Variants in CNTN5 observed in about 807,000 individuals in gnomAD.
The protein encoded by CNTN5 is contactin 5, also known as contactin-5.
CNTN5 carries 77 observed loss-of-function variants against 129.1 expected under a neutral mutation model. The observed-to-expected ratio is 0.60, with a 90% CI of 0.50 to 0.72. The LOEUF is 0.72. CNTN5 is among the 30% of genes least tolerant of loss of function. The pLI, the probability that CNTN5 is intolerant of heterozygous loss-of-function variation, is 0.00. For synonymous variants in CNTN5, 509 were observed against 465.6 expected, an observed-to-expected ratio of 1.09 and a Z score of -1.20; for missense variants, 1,478 against 1,328.8, an observed-to-expected ratio of 1.11 and a Z score of -1.75.
chr11:100,236,395 C>T (rs1221092103), intron 16 of CNTN5, among the ~76,000 whole-genome samples: 1 of 152,126 alleles, frequency 6.6e-6, no homozygotes, highest in Non-Finnish European at 1.5e-5. Flanking sequence ...AAGTTTCCCG[C>T]CTGACTGCTT....
At chr11:100,128,078 T>C (rs1226791735) in intron 13 of CNTN5, among the ~76,000 whole-genome samples, 1 of 152,126 alleles carries the variant, frequency 6.6e-6, no homozygotes, top group Non-Finnish European at 1.5e-5. Flanking sequence ...ATGCACCAAT[T>C]ATTCAAAATT....
intron 6 of CNTN5, among the ~76,000 whole-genome samples, chr11:99,876,045 T>C (rs1948624338): frequency 6.6e-6 from 1 of 152,108 alleles, no homozygotes; most frequent in Admixed American, 6.6e-5. Flanking sequence ...ATGAGTGAAA[T>C]ACTACATATC....
chr11:99,894,149 A>G (rs536900385), intron 6 of CNTN5, among the ~76,000 whole-genome samples: 4 of 152,294 alleles, frequency 2.6e-5, no homozygotes, highest in Non-Finnish European at 5.9e-5. Context: ...AGTAGGTGGT[A>G]TATAGGTTTT....
intron 1 of CNTN5, among the ~76,000 whole-genome samples, chr11:99,314,945 G>A (rs1212113108): frequency 5.4e-5 from 8 of 147,658 alleles, no homozygotes; most frequent in African/African-American, 9.9e-5. Context: ...TTATTCAGTA[G>A]CTCTGTGGGT....
At chr11:100,196,337 A>C (rs200978770) in intron 15 of CNTN5, among the ~76,000 whole-genome samples, 1 of 135,126 alleles carries the variant, frequency 7.4e-6, no homozygotes, top group Non-Finnish European at 1.7e-5. Flanking sequence ...ATTTTGTATT[A>C]TTTTGTAGAT....
At chr11:99,587,150 A>T (rs1949819619) in intron 3 of CNTN5, among the ~76,000 whole-genome samples, 1 of 152,204 alleles carries the variant, frequency 6.6e-6, no homozygotes, top group African/African-American at 2.4e-5. Flanking sequence ...CAACTCAGAA[A>T]TGAAGAGGTT....
intron 3 of CNTN5, among the ~76,000 whole-genome samples, chr11:99,581,921 T>C (rs1426982408): frequency 1.3e-5 from 2 of 152,152 alleles, no homozygotes; most frequent in Non-Finnish European, 2.9e-5. Context: ...TTCCTAGCCT[T>C]GATGGTCTTT....
chr11:99,208,437 G>T (rs923445762), intron 1 of CNTN5, among the ~76,000 whole-genome samples: 4 of 151,986 alleles, frequency 2.6e-5, no homozygotes, highest in Non-Finnish European at 5.9e-5. Flanking sequence ...ATACCCTAAG[G>T]ATATGTCCTT....
intron 1 of CNTN5, among the ~76,000 whole-genome samples, chr11:99,226,328 A>G (rs1860684416): frequency 6.6e-6 from 1 of 152,182 alleles, no homozygotes; most frequent in African/African-American, 2.4e-5. Flanking sequence ...TGGACTATAG[A>G]TGTGGCACCA....
At position 99,678,724 on chromosome 11, in the gene CNTN5, C is replaced by A. The variant is rs535292299; in HGVS notation, c.55+122455C>A. Among the ~76,000 whole-genome samples the A allele has an allele frequency of 2.0e-5, 3 of 151,924 alleles. No individual in the cohort carries two copies. In the South Asian group the frequency reaches 6.2e-4, roughly 32 times the overall value. The stretch of plus-strand genomic sequence containing the variant: ...AAAGTTATCTGTAAAAGGATAAAGT[C>A]CTTTTAGAAAGAGGTAAATTAATGC... On this transcript the variant is annotated intron_variant, in intron 3 of 24. Transcript: ENST00000524871.
intron 16 of CNTN5, among the ~76,000 whole-genome samples, chr11:100,235,535 G>A (rs775981156): frequency 6.6e-6 from 1 of 152,042 alleles, no homozygotes; most frequent in Non-Finnish European, 1.5e-5. Context: ...GTAGAGCAGG[G>A]CCAAAGCAGC....
At chr11:99,871,323 T>C (rs1948498227) in intron 6 of CNTN5, among the ~76,000 whole-genome samples, 1 of 152,076 alleles carries the variant, frequency 6.6e-6, no homozygotes, top group African/African-American at 2.4e-5. Context: ...CAATGAAGAT[T>C]GATTAAAATA....
intron 3 of CNTN5, among the ~76,000 whole-genome samples, chr11:99,699,773 T>C (rs541509279): frequency 6.1e-4 from 92 of 151,564 alleles, no homozygotes; most frequent in African/African-American, 2.2e-3. Context: ...AAAGAGCTCA[T>C]TATTGTCTTC....
intron 2 of CNTN5, among the ~76,000 whole-genome samples, chr11:99,493,092 G>A (rs1020531307): frequency 2.0e-5 from 3 of 152,124 alleles, no homozygotes; most frequent in African/African-American, 7.2e-5. Flanking sequence ...CAAATGCCCA[G>A]GCACCATATT....
intron 18 of CNTN5, among the ~76,000 whole-genome samples, chr11:100,293,588 C>A (rs1353963014): frequency 1.3e-5 from 2 of 151,548 alleles, no homozygotes; most frequent in African/African-American, 4.8e-5. Context: ...ATTCCGGGTA[C>A]TGTGATGAAT....
Position 100,207,269 on chromosome 11 carries a change from T to C in CNTN5, c.1884+13606T>C, listed in dbSNP as rs544044903. ...ATGTCATTAGCAGAAAAGCTTGTTC[T>C]TACAATTAATGTTTAATTGAATTCA... On this transcript the variant is annotated intron_variant, in intron 15 of 24. Transcript: ENST00000524871. Among the ~76,000 whole-genome samples, 11 of 152,284 alleles carry C rather than the reference T, an allele frequency of 7.2e-5. No homozygotes were observed. The South Asian group carries it at 2.3e-3, about 32-fold the overall frequency.
At chr11:100,143,807 G>T (rs1363022) in intron 13 of CNTN5, among the ~76,000 whole-genome samples, 101,478 of 151,976 alleles carry the variant, frequency 0.67, 35,353 homozygotes, top group African/African-American at 0.87. Flanking sequence ...AGGGACCTGA[G>T]GTAGCCAGAG....
intron 3 of CNTN5, among the ~76,000 whole-genome samples, chr11:99,616,513 T>C (rs1271638620): frequency 6.6e-6 from 1 of 152,178 alleles, no homozygotes; most frequent in Non-Finnish European, 1.5e-5. Flanking sequence ...ATTACCCATA[T>C]CCTCGACCAG....
chr11:99,060,146 G>A (rs752133970), intron 1 of CNTN5, among the ~76,000 whole-genome samples: 2 of 152,040 alleles, frequency 1.3e-5, no homozygotes, highest in Non-Finnish European at 2.9e-5. Context: ...ACCAGTAAAT[G>A]TGGGTATGTA....
Sources: gnomAD v4.1 joint callset for allele counts (sites outside exome capture counted in the v4.1 genomes callset) on GRCh38, gnomAD v4.1.1 for gene constraint, MANE v1.5 for transcripts, NCBI Gene and HGNC (gene_info 2026-07-23, HGNC 2026-07-21) for gene names.